Variants in COPG2 observed in about 807,000 individuals in gnomAD.
COPG2 encodes the protein coatomer subunit gamma-2.
A neutral mutation model predicts 46.3 loss-of-function variants in COPG2; 37 were observed. That is an observed-to-expected ratio of 0.80 (90% confidence interval 0.61 to 1.05). COPG2 has a LOEUF of 1.05. Among genes scored for constraint, COPG2 ranks in the 50% least tolerant of loss-of-function variants. The pLI is 0.00. For synonymous variants in COPG2, 159 were observed against 129.7 expected (o/e 1.23, Z -1.53); for missense variants, 427 against 387.8 (o/e 1.10, Z -0.85).
At position 130,552,827 on chromosome 7, in the gene COPG2, T is replaced by C. The variant is rs1325311096; in HGVS notation, c.1469-397A>G. Among the ~76,000 whole-genome samples the C allele has an allele frequency of 7.9e-5, 12 of 152,326 alleles. No individual in the cohort carries two copies. The East Asian group carries it at 1.9e-3, about 24-fold the overall frequency. The stretch of plus-strand genomic sequence containing the variant: ...CAAAGATTCATTGTTCACCAAACTT[T>C]TGTCAGGAATTGTGCTAGGTACTGG... On this transcript the variant is annotated intron_variant, in intron 14 of 23. Transcript: ENST00000425248.
At chr7:130,595,330 G>T (rs1282645947) in intron 9 of COPG2, among the ~76,000 whole-genome samples, 2 of 152,176 alleles carry the variant, frequency 1.3e-5, no homozygotes, top group East Asian at 3.8e-4. Context: ...ACAAAAAAAT[G>T]GATTTGTATT....
intron 2 of COPG2, among the ~76,000 whole-genome samples, 188 bp downstream of exon 2, chr7:130,667,294 G>C (rs1403677009): frequency 6.6e-6 from 1 of 152,136 alleles, no homozygotes; most frequent in Non-Finnish European, 1.5e-5. Flanking sequence ...TCATGTCTTT[G>C]CATTTCTATA....
At chr7:130,555,890 C>T (rs901189668) in intron 12 of COPG2, among the ~76,000 whole-genome samples, 17 of 152,002 alleles carry the variant, frequency 1.1e-4, no homozygotes, top group Admixed American at 2.6e-4. Flanking sequence ...GTGTGAAGAA[C>T]GTGAGATTTT....
intron 9 of COPG2, among the ~76,000 whole-genome samples, chr7:130,572,634 CA>C (rs1793929182): frequency 6.6e-6 from 1 of 151,750 alleles, no homozygotes; most frequent in African/African-American, 2.4e-5. Context: ...AAGAAGAAAT[CA>C]AATGGGAAAT....
At chr7:130,633,273 C>T (rs1554455474) in intron 5 of COPG2, among the ~76,000 whole-genome samples, 1 of 152,198 alleles carries the variant, frequency 6.6e-6, no homozygotes, top group Non-Finnish European at 1.5e-5. Flanking sequence ...AATGCGATTA[C>T]TGGCTCTAAA....
intron 9 of COPG2, among the ~76,000 whole-genome samples, chr7:130,591,059 C>T (rs1361786136): frequency 1.5e-4 from 22 of 150,240 alleles, no homozygotes; most frequent in Admixed American, 4.6e-4. Context: ...GTCAGCCCCC[C>T]GCCCGGCCAG....
At chr7:130,640,871 C>G (rs1795451306) in intron 5 of COPG2, among the ~76,000 whole-genome samples, 1 of 152,098 alleles carries the variant, frequency 6.6e-6, no homozygotes, top group African/African-American at 2.4e-5. Flanking sequence ...TCATGCAACA[C>G]TTTTATTGCA....
intron 9 of COPG2, among the ~76,000 whole-genome samples, chr7:130,579,844 G>C (rs1378887865): frequency 1.3e-5 from 2 of 152,144 alleles, no homozygotes; most frequent in Non-Finnish European, 2.9e-5. Context: ...GATTCATAAA[G>C]CAAGTCCTGA....
rs144110129 is a variant in COPG2, at chr7:130,664,103, G to A, written c.172-1065C>T. Among the ~76,000 whole-genome samples the A allele has an allele frequency of 6.9e-3, 1,056 of 152,098 alleles. 12 individuals carry two copies. The highest frequency in any genetic ancestry group is 0.024 in the African/African-American group (1,001 of 41,494). On this transcript the variant is annotated intron_variant, in intron 3 of 23. Coordinates refer to ENST00000425248, the MANE Select transcript of COPG2 (RefSeq NM_012133.6). ...CTGGGAACTACATTTTCTGAGCAGT[G>A]AAAAAGTGTTAGATAACGTATTTCA...
intron 14 of COPG2, among the ~76,000 whole-genome samples, chr7:130,553,124 T>C (rs1187533640): frequency 6.6e-6 from 1 of 152,018 alleles, no homozygotes; most frequent in Non-Finnish European, 1.5e-5. Context: ...GCAGAGAAAA[T>C]AACACGTTCG....
intron 20 of COPG2, chr7:130,547,466 G>A: frequency 7.7e-6 from 3 of 388,544 alleles, no homozygotes; most frequent in Non-Finnish European, 1.4e-5. Context: ...ATTTTACTCA[G>A]AGATTTAGTT....
At chr7:130,543,027 G>A (rs1282207809) in intron 20 of COPG2, among the ~76,000 whole-genome samples, 6 of 152,176 alleles carry the variant, frequency 3.9e-5, no homozygotes, top group African/African-American at 1.4e-4. Flanking sequence ...CTACTTCATT[G>A]AATAGGAAAA....
At chr7:130,601,188 G>A (rs1217882727) in intron 9 of COPG2, among the ~76,000 whole-genome samples, 2 of 152,234 alleles carry the variant, frequency 1.3e-5, no homozygotes, top group African/African-American at 2.4e-5. Flanking sequence ...AGAGGATGTG[G>A]AGAAATAGGA....
intron 10 of COPG2, 102 bp downstream of exon 10, chr7:130,564,151 ACACAGAG>A: frequency 2.5e-6 from 1 of 397,810 alleles, no homozygotes; most frequent in Non-Finnish European, 4.4e-6. Context: ...GGCTATATAT[ACACAGAG>A]CTAGTGTTCA....
chr7:130,555,232 C>T (rs998858058), intron 12 of COPG2, 100 bp from the exon 13 acceptor site: 1 of 388,020 alleles, frequency 2.6e-6, no homozygotes, highest in African/African-American at 2.1e-5. Flanking sequence ...ATTATGGCTA[C>T]TAAACATACT....
intron 20 of COPG2, among the ~76,000 whole-genome samples, chr7:130,539,475 A>G (rs1799915583): frequency 6.6e-6 from 1 of 152,158 alleles, no homozygotes; most frequent in Admixed American, 6.5e-5. Context: ...TGGGATAGAG[A>G]GAGGATGGAA....
At chr7:130,663,439 T>C (rs1554461044) in intron 3 of COPG2, among the ~76,000 whole-genome samples, 1 of 152,124 alleles carries the variant, frequency 6.6e-6, no homozygotes, top group Non-Finnish European at 1.5e-5. Flanking sequence ...ATGCCTAACA[T>C]GTCATGGGAG....
chr7:130,518,496 T>C lies in COPG2; in HGVS notation c.2150-9837A>G, dbSNP rs950903780. ...TTGGTATGGAGCAGGTGGGTGGCAT[T>C]GAGGGAGTATACCTCAAGAGTATAC... is the stretch of plus-strand genomic sequence containing the variant. On this transcript the variant is annotated intron_variant, in intron 20 of 23. Coordinates refer to ENST00000425248, the MANE Select transcript of COPG2 (RefSeq NM_012133.6). Among the ~76,000 whole-genome samples the C allele has an allele frequency of 7.5e-3, 1,139 of 152,152 alleles. 10 individuals carry two copies. Among genetic ancestry groups the C allele is most frequent in the Non-Finnish European group, 0.011 (766 of 67,982 alleles).
chr7:130,564,751 A>G (rs1052244948), intron 9 of COPG2, among the ~76,000 whole-genome samples: 1 of 152,206 alleles, frequency 6.6e-6, no homozygotes, highest in African/African-American at 2.4e-5. Context: ...TCAGAACCAC[A>G]GTAACTGTGA....
Sources: gnomAD v4.1 joint callset for allele counts (sites outside exome capture counted in the v4.1 genomes callset) on GRCh38, gnomAD v4.1.1 for gene constraint, MANE v1.5 for transcripts, NCBI Gene and HGNC (gene_info 2026-07-23, HGNC 2026-07-21) for gene names.